ABTB2: variants seen among roughly 807,000 people sequenced by gnomAD.
ABTB2 encodes ankyrin repeat and BTB domain containing 2, also known as ankyrin repeat and BTB/POZ domain-containing protein 2.
In ABTB2, 56 loss-of-function variants were observed where a neutral mutation model predicts 104.1. The ratio of observed to expected loss-of-function variants is 0.54; its 90% confidence interval spans 0.43 to 0.67. ABTB2 has a LOEUF of 0.67. Ranked by LOEUF, ABTB2 falls within the 30% of genes least tolerant of loss-of-function variation. The pLI is 0.00. For synonymous variants in ABTB2, 606 were observed against 608.2 expected (o/e 1.00, Z 0.05); for missense variants, 1,279 against 1,407.7 (o/e 0.91, Z 1.46).
chr11:34,154,588 G>T lies in ABTB2; in HGVS notation c.2766+113C>A. 8.9e-7 allele frequency: 1 copy of T among 1,118,040 alleles called. No individual in the cohort carries two copies. The highest frequency in any genetic ancestry group is 1.3e-6 in the Non-Finnish European group (1 of 755,522). The allele number at this position is 1,118,040 out of a possible 1,614,324, so 69.3% of individuals were successfully genotyped here. ...TGCACAGTTCCTCTTTCTGGGAACT[G>T]CTCTTCCTGTCAGATGGAGAGGAAG... On this transcript the variant is annotated intron_variant, in intron 15 of 16. Coordinates refer to ENST00000435224, the MANE Select transcript of ABTB2 (RefSeq NM_145804.3). This position sits in a 1 kb window ranked among gnomAD's most constrained non-coding sequence, Gnocchi z 4.9.
At chr11:34,171,272 T>C (rs1314602996) in intron 4 of ABTB2, among the ~76,000 whole-genome samples, 1 of 152,120 alleles carries the variant, frequency 6.6e-6, no homozygotes, top group Non-Finnish European at 1.5e-5. Context: ...TTTCTATAAG[T>C]ACATTAAAAA....
At chr11:34,238,846 C>A (rs566241871) in intron 1 of ABTB2, among the ~76,000 whole-genome samples, 134 of 152,252 alleles carry the variant, frequency 8.8e-4, no homozygotes, top group African/African-American at 3.1e-3. Flanking sequence ...CTTGGCCTCC[C>A]GGGTTCATGC....
chr11:34,316,914 G>A (rs1854938901), intron 1 of ABTB2, among the ~76,000 whole-genome samples: 1 of 152,182 alleles, frequency 6.6e-6, no homozygotes, highest in Admixed American at 6.5e-5. Context: ...CCTCACTGGG[G>A]AAGCCCGGGA....
At chr11:34,235,193 C>G (rs1019619455) in intron 1 of ABTB2, among the ~76,000 whole-genome samples, 16 of 152,126 alleles carry the variant, frequency 1.1e-4, no homozygotes, top group African/African-American at 3.9e-4. Context: ...TGCTTACTTG[C>G]TCAGTATCTG....
chr11:34,234,608 C>T (rs1202637436), intron 1 of ABTB2, among the ~76,000 whole-genome samples: 3 of 152,192 alleles, frequency 2.0e-5, no homozygotes, highest in Non-Finnish European at 4.4e-5. Flanking sequence ...GCTCTGGCTC[C>T]GCCTCTCACA....
At position 34,170,935 on chromosome 11, in the gene ABTB2, G is replaced by T. The variant is rs1211038005; in HGVS notation, c.1534C>A (p.Pro512Thr). 3.1e-6 allele frequency: 5 copies of T among 1,614,140 alleles called. No individual in the cohort carries two copies. The East Asian group carries it at 8.9e-5, about 29-fold the overall frequency. The change falls in exon 5 of 17, where the codon CCG (proline) becomes ACG (threonine). Residue 512 changes from proline to threonine, a missense_variant. Physicochemically the swap from Pro to Thr is conservative, Grantham distance 38 (BLOSUM62 -1). Coordinates refer to ENST00000435224, the MANE Select transcript of ABTB2 (RefSeq NM_145804.3). ...LINQAIEALG[P>T]DGVNTMDDQG... Reference sequence around the variant, plus strand: ...TCATCCATGGTGTTAACCCCATCCGGACCCAAGGCCTCGATGGCTTGGTTG... The same window carrying T: ...TCATCCATGGTGTTAACCCCATCCGTACCCAAGGCCTCGATGGCTTGGTTG...
intron 1 of ABTB2, among the ~76,000 whole-genome samples, chr11:34,320,634 C>A (rs1854988030): frequency 6.6e-6 from 1 of 152,194 alleles, no homozygotes. Context: ...TCTCACCTAA[C>A]CTTCACGAAG....
intron 1 of ABTB2, among the ~76,000 whole-genome samples, chr11:34,295,169 G>A (rs1307383502): frequency 6.6e-6 from 1 of 151,432 alleles, no homozygotes; most frequent in Non-Finnish European, 1.5e-5. Context: ...GGGCAACAGA[G>A]CAAGATCCTA....
intron 1 of ABTB2, among the ~76,000 whole-genome samples, chr11:34,276,889 G>C (rs1051321706): frequency 3.3e-5 from 5 of 152,172 alleles, no homozygotes; most frequent in Admixed American, 6.5e-5. Flanking sequence ...GTGCCCACTT[G>C]GCTGAGAAGT....
intron 1 of ABTB2, among the ~76,000 whole-genome samples, chr11:34,236,365 G>A (rs2133060236): frequency 6.6e-6 from 1 of 152,250 alleles, no homozygotes; most frequent in African/African-American, 2.4e-5. Flanking sequence ...ACCTCCAGAA[G>A]GCACAGGGCA....
chr11:34,209,516 T>C (rs1420873547), intron 1 of ABTB2, among the ~76,000 whole-genome samples: 1 of 114,334 alleles, frequency 8.7e-6, no homozygotes, highest in African/African-American at 3.5e-5. Context: ...TTCTCTAAGC[T>C]ACTTTTCACT....
chr11:34,238,332 T>C (rs910559519), intron 1 of ABTB2, among the ~76,000 whole-genome samples: 1 of 152,268 alleles, frequency 6.6e-6, no homozygotes, highest in East Asian at 1.9e-4. Context: ...TCAGATTCTC[T>C]GCAATAACTT....
intron 1 of ABTB2, among the ~76,000 whole-genome samples, chr11:34,351,407 C>T (rs555602286): frequency 8.3e-4 from 121 of 145,092 alleles, no homozygotes; most frequent in African/African-American, 3.2e-3. Context: ...GTTGTGAAGC[C>T]CTTCCTCTTG....
At position 34,152,284 on chromosome 11, in the gene ABTB2, C is replaced by G; in HGVS notation, c.*103G>C. On this transcript the variant is annotated 3_prime_UTR_variant, in exon 17 of 17. Transcript: ENST00000435224. ...GGACATCTGGGGGAGGAGGAGGAAA[C>G]AGCCCCGTGAACCTGGCTCCAAGAG... The G allele has an allele frequency of 7.7e-7, 1 of 1,300,856 alleles. No homozygotes were observed. Among genetic ancestry groups the G allele is most frequent in the Non-Finnish European group, 1.0e-6 (1 of 958,976 alleles). The allele number at this position is 1,300,856 out of a possible 1,614,324, so 80.6% of individuals were successfully genotyped here.
intron 16 of ABTB2, 82 bp from the exon 17 acceptor site, chr11:34,152,666 A>G (rs1001343116): frequency 1.5e-6 from 2 of 1,348,004 alleles, no homozygotes; most frequent in African/African-American, 2.8e-5. Context: ...CTACCTACCC[A>G]TGGCCACAGC....
chr11:34,348,130 CA>C (rs1440759781), intron 1 of ABTB2, among the ~76,000 whole-genome samples: 1 of 152,152 alleles, frequency 6.6e-6, no homozygotes, highest in Non-Finnish European at 1.5e-5. Context: ...CAACCCCTCA[CA>C]ACCCAAGTTT....
chr11:34,338,927 T>C (rs1855228356), intron 1 of ABTB2, among the ~76,000 whole-genome samples: 1 of 152,180 alleles, frequency 6.6e-6, no homozygotes, highest in South Asian at 2.1e-4. Context: ...GAGCACTCCC[T>C]AAAGCCCCTT....
intron 3 of ABTB2, 29 bp from the exon 4 acceptor site, chr11:34,173,336 C>A: frequency 6.4e-7 from 1 of 1,556,242 alleles, no homozygotes; most frequent in Non-Finnish European, 8.7e-7. Flanking sequence ...AGGGTCAGGC[C>A]TGGGGTGGGG....
At chr11:34,265,219 C>A (rs1157219886) in intron 1 of ABTB2, among the ~76,000 whole-genome samples, 1 of 152,180 alleles carries the variant, frequency 6.6e-6, no homozygotes, top group Non-Finnish European at 1.5e-5. Flanking sequence ...AACACCCAGG[C>A]CCTTTCACCG....
Sources: allele counts gnomAD v4.1 joint callset (sites outside exome capture counted in the v4.1 genomes callset), GRCh38; gene constraint gnomAD v4.1.1; non-coding constraint Gnocchi (gnomAD v3.1); transcripts MANE v1.5; gene names NCBI Gene and HGNC (gene_info 2026-07-23, HGNC 2026-07-21).